GALNT17: variants seen among roughly 807,000 people sequenced by gnomAD.
GALNT17 encodes the protein polypeptide N-acetylgalactosaminyltransferase 17.
A neutral mutation model predicts 63.7 loss-of-function variants in GALNT17; 29 were observed. The observed-to-expected ratio is 0.46, with a 90% confidence interval of 0.34 to 0.62. The LOEUF (loss-of-function observed/expected upper bound fraction) is 0.62, where lower values mean the gene tolerates loss of function less well. GALNT17 is among the 20% of genes least tolerant of loss of function. GALNT17 has a pLI of 0.01. For missense variants in GALNT17, 603 were observed against 799.6 expected (o/e 0.75, Z 2.97); for synonymous variants, 305 against 318.3 (o/e 0.96, Z 0.45).
intron 1 of GALNT17, among the ~76,000 whole-genome samples, chr7:71,165,175 C>T (rs1013543937): frequency 6.6e-6 from 1 of 152,156 alleles, no homozygotes; most frequent in Non-Finnish European, 1.5e-5. Context: ...GAAAGCCTAA[C>T]AGAAAGACAG....
At chr7:71,544,881 A>G (rs1481196567) in intron 5 of GALNT17, among the ~76,000 whole-genome samples, 3 of 149,624 alleles carry the variant, frequency 2.0e-5, no homozygotes, top group Non-Finnish European at 4.4e-5. Flanking sequence ...AAGATAAGTA[A>G]TTTAATACCT....
At chr7:71,563,873 T>C (rs1789295161) in intron 5 of GALNT17, among the ~76,000 whole-genome samples, 1 of 152,024 alleles carries the variant, frequency 6.6e-6, no homozygotes, top group Non-Finnish European at 1.5e-5. Flanking sequence ...GCCACCATAC[T>C]TGGCTAATTT....
chr7:71,298,595 C>A (rs1173115908), intron 1 of GALNT17, among the ~76,000 whole-genome samples: 1 of 151,944 alleles, frequency 6.6e-6, no homozygotes, highest in Non-Finnish European at 1.5e-5. Context: ...GCCAGACTGT[C>A]CTGCCTTATT....
chr7:71,404,347 TTTC>T (rs1793290597), intron 3 of GALNT17, among the ~76,000 whole-genome samples: 1 of 152,214 alleles, frequency 6.6e-6, no homozygotes, highest in African/African-American at 2.4e-5. Context: ...CGTCTTTTGC[TTTC>T]TTTTGTCCTT....
chr7:71,695,218 T>G (rs1791522374), intron 9 of GALNT17, among the ~76,000 whole-genome samples: 1 of 152,210 alleles, frequency 6.6e-6, no homozygotes, highest in Non-Finnish European at 1.5e-5. Flanking sequence ...ACAGGTCATG[T>G]GGGCCAGACC....
intron 1 of GALNT17, among the ~76,000 whole-genome samples, chr7:71,144,733 G>GGTTTT (rs1373343964): frequency 6.6e-6 from 1 of 151,916 alleles, no homozygotes; most frequent in East Asian, 1.9e-4. Flanking sequence ...TCTGGGCTGG[G>GGTTTT]GTTTTGTTTT....
intron 5 of GALNT17, among the ~76,000 whole-genome samples, chr7:71,531,961 G>A (rs1354800185): frequency 6.6e-6 from 1 of 152,168 alleles, no homozygotes; most frequent in East Asian, 1.9e-4. Context: ...GGGAGCTGAG[G>A]AAACAGAAGG....
chr7:71,608,498 A>G (rs1322343445), intron 6 of GALNT17, among the ~76,000 whole-genome samples: 1 of 152,230 alleles, frequency 6.6e-6, no homozygotes, highest in Non-Finnish European at 1.5e-5. Context: ...TACAAGTAGT[A>G]TCAACATAAT....
intron 5 of GALNT17, among the ~76,000 whole-genome samples, chr7:71,454,655 T>A (rs757159956): frequency 6.6e-5 from 10 of 152,208 alleles, no homozygotes; most frequent in African/African-American, 2.4e-4. Flanking sequence ...TAATAAGCTA[T>A]AGGAGGAGTC....
intron 6 of GALNT17, among the ~76,000 whole-genome samples, chr7:71,642,588 G>A (rs1411445505): frequency 1.3e-5 from 2 of 152,170 alleles, no homozygotes; most frequent in African/African-American, 4.8e-5. Context: ...TGTAATCCCA[G>A]CACTTTGGGA....
At chr7:71,528,836 T>C (rs1399565558) in intron 5 of GALNT17, among the ~76,000 whole-genome samples, 1 of 151,774 alleles carries the variant, frequency 6.6e-6, no homozygotes, top group Non-Finnish European at 1.5e-5. Flanking sequence ...TTACAGTGGT[T>C]AAAAAAAACA....
At chr7:71,600,265 T>C (rs1461218819) in intron 6 of GALNT17, among the ~76,000 whole-genome samples, 1 of 149,316 alleles carries the variant, frequency 6.7e-6, no homozygotes, top group Non-Finnish European at 1.5e-5. Flanking sequence ...AAAAAAAGTC[T>C]AAAGGCTCCT....
rs113108916 is a variant in GALNT17 at position 71,637,562 on chromosome 7, G to C, written c.1081-27849G>C. On this transcript the variant is annotated intron_variant, in intron 6 of 10. Transcript: ENST00000333538. ...ATAGGTTTAGTGGGAGTAAGTGAATGAGAGAACCAGAAGAACAGAAGCCTG... is the reference window on the plus strand; with the variant it reads ...ATAGGTTTAGTGGGAGTAAGTGAATCAGAGAACCAGAAGAACAGAAGCCTG... Among the ~76,000 whole-genome samples, 981 of 151,744 alleles carry C rather than the reference G, an allele frequency of 6.5e-3. 9 individuals carry two copies. Among genetic ancestry groups the C allele is most frequent in the African/African-American group, 0.022 (891 of 41,340 alleles).
At chr7:71,540,564 A>G (rs1266081738) in intron 5 of GALNT17, among the ~76,000 whole-genome samples, 1 of 152,130 alleles carries the variant, frequency 6.6e-6, no homozygotes, top group Non-Finnish European at 1.5e-5. Flanking sequence ...CTCCCTTTGT[A>G]GAGTATTTTA....
Position 71,443,412 on chromosome 7 carries a change from G to A in GALNT17, c.962+22307G>A, listed in dbSNP as rs180969168. On this transcript the variant is annotated intron_variant, in intron 5 of 10. Coordinates refer to ENST00000333538, the MANE Select transcript of GALNT17 (RefSeq NM_022479.3). ...CCGCAGTGTTGGAGGTGGGCCTGGAGGGAGGTGTTTGGGTCATGGGGACAG... is the reference window on the plus strand; with the variant it reads ...CCGCAGTGTTGGAGGTGGGCCTGGAAGGAGGTGTTTGGGTCATGGGGACAG... Among the ~76,000 whole-genome samples, 6 of 152,348 alleles carry A rather than the reference G, an allele frequency of 3.9e-5. No homozygotes were observed. The East Asian group carries it at 1.2e-3, about 29-fold the overall frequency.
chr7:71,281,563 A>G (rs1478353663), intron 1 of GALNT17, among the ~76,000 whole-genome samples: 8 of 152,166 alleles, frequency 5.3e-5, no homozygotes, highest in South Asian at 4.1e-4. Context: ...CGGCTTCTCC[A>G]TCCAGCTCTA....
chr7:71,467,727 T>C (rs1787559819), intron 5 of GALNT17, among the ~76,000 whole-genome samples: 1 of 151,796 alleles, frequency 6.6e-6, no homozygotes. Flanking sequence ...GACTTATGCA[T>C]GGAGTTCTGC....
At chr7:71,352,389 A>T (rs978606699) in intron 2 of GALNT17, among the ~76,000 whole-genome samples, 1 of 152,194 alleles carries the variant, frequency 6.6e-6, no homozygotes, top group Non-Finnish European at 1.5e-5. Context: ...GTAAGATGGG[A>T]AGAAGTAGAG....
At position 71,335,626 on chromosome 7, in the gene GALNT17, G is replaced by A. The variant is rs145702941; in HGVS notation, c.315G>A (p.Pro105=). The change falls in exon 2 of 11, where the codon CCG becomes CCA. Residue 105 remains proline, a synonymous_variant. Coordinates refer to ENST00000333538, the MANE Select transcript of GALNT17 (RefSeq NM_022479.3). ...GGGGCCTTCCGGCTACTCTTTCCCC[G>A]GCTGAAGAAGAAAAGGCTAAGGGAC... ...GKGGLPATLS[P]AEEEKAKGPH... 1,563 of 1,612,716 alleles carry A rather than the reference G, an allele frequency of 9.7e-4. 16 individuals are homozygous for A. In the South Asian group the frequency reaches 0.012, roughly 13 times the overall value.
Sources: gnomAD v4.1 joint callset for allele counts (sites outside exome capture counted in the v4.1 genomes callset) on GRCh38, gnomAD v4.1.1 for gene constraint, MANE v1.5 for transcripts, NCBI Gene and HGNC (gene_info 2026-07-23, HGNC 2026-07-21) for gene names.